FNIP1: variants seen among roughly 807,000 people sequenced by gnomAD.
FNIP1 encodes the protein folliculin interacting protein 1, also known as folliculin-interacting protein 1.
In FNIP1, 40 loss-of-function variants were observed where a neutral mutation model predicts 124.5. The observed-to-expected ratio is 0.32, with a 90% CI of 0.25 to 0.42. FNIP1 has a LOEUF of 0.42. FNIP1 is among the 10% of genes least tolerant of loss of function. The pLI, the probability that FNIP1 is intolerant of heterozygous loss-of-function variation, is 1.00. For synonymous variants in FNIP1, 472 were observed against 470.6 expected (o/e 1.00, Z -0.04); for missense variants, 1,176 against 1,403.7 (o/e 0.84, Z 2.59).
At chr5:131,675,972 C>A (rs1386392546) in intron 13 of FNIP1, among the ~76,000 whole-genome samples, 1 of 151,912 alleles carries the variant, frequency 6.6e-6, no homozygotes, top group Non-Finnish European at 1.5e-5. Context: ...GATTCTCCTG[C>A]CTCAGCCTCC....
rs192681872 is a variant in FNIP1, at chr5:131,741,827, C to T, written c.219+2737G>A. 1.6e-3 allele frequency among the ~76,000 whole-genome samples: 247 copies of T among 152,280 alleles called. 1 individual carries two copies. Among genetic ancestry groups the T allele is most frequent in the African/African-American group, 5.7e-3 (237 of 41,556 alleles). On this transcript the variant is annotated intron_variant, in intron 2 of 17. Coordinates refer to ENST00000510461, the MANE Select transcript of FNIP1 (RefSeq NM_133372.3). ...TAGGATTTTGATTTAATTAAATACA[C>T]TCAAACATATTGAGTGAGCCCAAAT...
chr5:131,790,742 T>C (rs1016965600), intron 1 of FNIP1, among the ~76,000 whole-genome samples: 10 of 152,004 alleles, frequency 6.6e-5, no homozygotes, highest in African/African-American at 2.4e-4. Context: ...CTGGAAGAAA[T>C]CAGAAAAGGC....
At chr5:131,697,883 T>C (rs1283722574) in intron 11 of FNIP1, among the ~76,000 whole-genome samples, 1 of 148,090 alleles carries the variant, frequency 6.8e-6, no homozygotes, top group Non-Finnish European at 1.5e-5. Context: ...GCAGGAGAAT[T>C]GCTTGAACCC....
At chr5:131,735,541 T>C (rs1770266528) in intron 2 of FNIP1, among the ~76,000 whole-genome samples, 1 of 148,256 alleles carries the variant, frequency 6.7e-6, no homozygotes, top group African/African-American at 2.5e-5. Flanking sequence ...CGTATTTATA[T>C]ACATGTATAT....
At chr5:131,697,986 A>AAAAG (rs1367615318) in intron 11 of FNIP1, among the ~76,000 whole-genome samples, 1 of 150,396 alleles carries the variant, frequency 6.6e-6, no homozygotes, top group Admixed American at 6.6e-5. Flanking sequence ...AAAAAAAAAA[A>AAAAG]AAAGAAAGAA....
In FNIP1 at chr5:131,679,156, A is replaced by G. The variant is rs1043777254; in HGVS notation, c.1222T>C (p.Tyr408His). 1 of 1,588,060 alleles carries G rather than the reference A, an allele frequency of 6.3e-7. No homozygotes were observed. Among genetic ancestry groups the G allele is most frequent in the Non-Finnish European group, 8.6e-7 (1 of 1,157,594 alleles). The change falls in exon 12 of 18, where the codon TAC becomes CAC. Residue 408 changes from tyrosine to histidine, a missense_variant. By Grantham distance (83) the Tyr-to-His change is moderately conservative (BLOSUM62 2). This residue lies in a region of FNIP1 where 1,109 missense variants were observed against 1,288.5 expected (regional missense o/e 0.86). Coordinates refer to ENST00000510461, the MANE Select transcript of FNIP1 (RefSeq NM_133372.3). ...NEFRTTICNL[Y>H]TMPRIGEPVW... ...GGTTCTCCAATTCGTGGCATCGTGT[A>G]AAGATTACAAATTGTTGTTCTAAAA...
chr5:131,763,911 C>CA (rs976354951), intron 1 of FNIP1, among the ~76,000 whole-genome samples: 68 of 151,952 alleles, frequency 4.5e-4, no homozygotes, highest in Admixed American at 2.8e-3. Flanking sequence ...GTGTCCCTGC[C>CA]AAAATCTCAT....
intron 15 of FNIP1, among the ~76,000 whole-genome samples, chr5:131,655,362 A>G (rs1162396455): frequency 6.6e-6 from 1 of 152,190 alleles, no homozygotes; most frequent in African/African-American, 2.4e-5. Context: ...AACAAACAAA[A>G]AAATGTAGGT....
At chr5:131,796,449 G>A (rs1253263253) in intron 1 of FNIP1, 1 of 224,238 alleles carries the variant, frequency 4.5e-6, no homozygotes, top group Admixed American at 5.7e-5. Context: ...AGAACTTCGC[G>A]GCCCGGAGTA....
At chr5:131,684,749 T>C (rs981314527) in intron 11 of FNIP1, among the ~76,000 whole-genome samples, 1 of 152,210 alleles carries the variant, frequency 6.6e-6, no homozygotes, top group African/African-American at 2.4e-5. Flanking sequence ...ATATTTACTG[T>C]TCTGGTGACT....
rs370380864 is a variant in FNIP1, at chr5:131,744,993, T to C, written c.93-303A>G. Among the ~76,000 whole-genome samples the C allele has an allele frequency of 2.2e-4, 33 of 151,932 alleles. No individual in the cohort carries two copies. The South Asian group carries it at 3.5e-3, about 16-fold the overall frequency. ...TAAATATACATAAGTATATTTAACA[T>C]AATGAAAATATGTACTGATTTCATG... On this transcript the variant is annotated intron_variant, in intron 1 of 17. Coordinates refer to ENST00000510461, the MANE Select transcript of FNIP1 (RefSeq NM_133372.3).
intron 11 of FNIP1, among the ~76,000 whole-genome samples, chr5:131,696,359 C>A (rs1020619811): frequency 6.6e-6 from 1 of 152,008 alleles, no homozygotes; most frequent in Non-Finnish European, 1.5e-5. Context: ...ATAATCTCAA[C>A]CTTTATGGTT....
intron 1 of FNIP1, among the ~76,000 whole-genome samples, chr5:131,781,428 C>T (rs1396062014): frequency 1.3e-5 from 2 of 152,188 alleles, no homozygotes; most frequent in African/African-American, 4.8e-5. Context: ...GCCTGGCTTC[C>T]AAGCTTTAAA....
At chr5:131,713,338 G>A (rs908781115) in intron 6 of FNIP1, among the ~76,000 whole-genome samples, 3 of 152,104 alleles carry the variant, frequency 2.0e-5, no homozygotes, top group African/African-American at 4.8e-5. Context: ...GAGCCACCGC[G>A]CCCGGCCTCG....
intron 15 of FNIP1, among the ~76,000 whole-genome samples, chr5:131,667,671 C>G (rs970310830): frequency 6.7e-6 from 1 of 149,168 alleles, no homozygotes; most frequent in Non-Finnish European, 1.5e-5. Flanking sequence ...TCACTGCAAC[C>G]TCTACCTCCT....
At chr5:131,737,778 C>T (rs748771186) in intron 2 of FNIP1, among the ~76,000 whole-genome samples, 27 of 151,588 alleles carry the variant, frequency 1.8e-4, no homozygotes, top group Non-Finnish European at 3.2e-4. Flanking sequence ...TTTCATTACA[C>T]ATATTTGTGT....
At chr5:131,776,168 C>T (rs1771797578) in intron 1 of FNIP1, among the ~76,000 whole-genome samples, 1 of 152,140 alleles carries the variant, frequency 6.6e-6, no homozygotes, top group Non-Finnish European at 1.5e-5. Context: ...TTACTGCAAC[C>T]ATAGCAAAAC....
At chr5:131,670,361 T>G in intron 15 of FNIP1, 102 bp downstream of exon 15, 1 of 924,814 alleles carries the variant, frequency 1.1e-6, no homozygotes, top group Non-Finnish European at 1.6e-6. Flanking sequence ...AGAACAATGA[T>G]TGTGTTGTAA....
At chr5:131,778,724 T>C (rs1297327041) in intron 1 of FNIP1, among the ~76,000 whole-genome samples, 2 of 96,600 alleles carry the variant, frequency 2.1e-5, no homozygotes, top group African/African-American at 8.5e-5. Flanking sequence ...TTATTCACAA[T>C]AGCAAAGACT....
Sources: allele counts gnomAD v4.1 joint callset (sites outside exome capture counted in the v4.1 genomes callset), GRCh38; gene constraint gnomAD v4.1.1; regional missense constraint gnomAD v4.1.1; transcripts MANE v1.5; gene names NCBI Gene and HGNC (gene_info 2026-07-23, HGNC 2026-07-21).